The following IGF2BP3 variants were observed in gnomAD, a reference collection of about 807,000 sequenced individuals.
IGF2BP3 encodes insulin like growth factor 2 mRNA binding protein 3, also known as insulin-like growth factor 2 mRNA-binding protein 3.
IGF2BP3 carries 9 observed loss-of-function variants against 73.8 expected under a neutral mutation model. That is an observed-to-expected ratio of 0.12 (90% CI 0.07 to 0.21). The LOEUF (loss-of-function observed/expected upper bound fraction) is 0.21. Among genes scored for constraint, IGF2BP3 ranks in the 10% least tolerant of loss-of-function variants. The probability of loss-of-function intolerance (pLI) is 1.00; values close to 1 mark genes in which losing one functional copy is unlikely to be tolerated. For missense variants in IGF2BP3, 542 were observed against 714.0 expected (o/e 0.76, Z 2.75); for synonymous variants, 258 against 256.7 (o/e 1.01, Z -0.05).
intron 3 of IGF2BP3, among the ~76,000 whole-genome samples, chr7:23,383,214 T>C (rs554255128): frequency 3.9e-5 from 6 of 152,300 alleles, no homozygotes; most frequent in Admixed American, 1.3e-4. Flanking sequence ...TCAGGACACG[T>C]AGGCTGATGG....
chr7:23,463,869 C>A (rs1406616775), intron 2 of IGF2BP3, among the ~76,000 whole-genome samples: 1 of 152,146 alleles, frequency 6.6e-6, no homozygotes, highest in East Asian at 1.9e-4. Context: ...TAGCTACAAC[C>A]ACTTAGGCAA....
At chr7:23,368,613 C>T (rs981948763) in intron 3 of IGF2BP3, among the ~76,000 whole-genome samples, 2 of 152,002 alleles carry the variant, frequency 1.3e-5, no homozygotes, top group Admixed American at 6.6e-5. Flanking sequence ...TATTAACATA[C>T]TAGGCCGGGC....
chr7:23,361,510 G>C (rs1364547415), intron 5 of IGF2BP3, 24 bp downstream of exon 5: 38 of 1,586,934 alleles, frequency 2.4e-5, no homozygotes, highest in Non-Finnish European at 3.3e-5. Context: ...ATTATATATA[G>C]ATTAAAAGCT....
intron 2 of IGF2BP3, among the ~76,000 whole-genome samples, chr7:23,429,260 A>G (rs773939097): frequency 9.9e-5 from 15 of 152,212 alleles, no homozygotes; most frequent in Non-Finnish European, 1.9e-4. Context: ...TTATATTTGC[A>G]TATTTTCTTC....
intron 12 of IGF2BP3, among the ~76,000 whole-genome samples, chr7:23,314,078 G>A (rs1054136421): frequency 2.0e-5 from 3 of 152,130 alleles, no homozygotes; most frequent in African/African-American, 7.2e-5. Flanking sequence ...GGAGTGCAAT[G>A]GTACAATCAT....
At chr7:23,323,960 AG>A (rs1784225796) in intron 10 of IGF2BP3, among the ~76,000 whole-genome samples, 1 of 152,136 alleles carries the variant, frequency 6.6e-6, no homozygotes, top group South Asian at 2.1e-4. Flanking sequence ...TGCCCACAAG[AG>A]AAAGCAGGAA....
intron 3 of IGF2BP3, among the ~76,000 whole-genome samples, chr7:23,399,578 T>A (rs1786594454): frequency 6.6e-6 from 1 of 152,116 alleles, no homozygotes; most frequent in Non-Finnish European, 1.5e-5. Flanking sequence ...ACTCCTGGCT[T>A]CTAGAACAAA....
chr7:23,378,569 GTTTTTTTTTTTTT>G (rs1156868701), intron 3 of IGF2BP3, among the ~76,000 whole-genome samples: 256 of 65,890 alleles, frequency 3.9e-3, no homozygotes, highest in African/African-American at 0.017. Context: ...ATTTTTGCTT[GTTTTTTTTTTTTT>G]TTTTTTTTTT....
chr7:23,454,542 G>A (rs1788272065), intron 2 of IGF2BP3, among the ~76,000 whole-genome samples: 1 of 152,110 alleles, frequency 6.6e-6, no homozygotes, highest in Non-Finnish European at 1.5e-5. Flanking sequence ...AATCCAAGAA[G>A]TCCTTTACAG....
intron 12 of IGF2BP3, among the ~76,000 whole-genome samples, chr7:23,316,342 C>T (rs965304540): frequency 1.3e-5 from 2 of 151,982 alleles, no homozygotes; most frequent in African/African-American, 4.8e-5. Context: ...GGGGAGAGAA[C>T]TGTATGCACT....
rs1293203990 is a variant in IGF2BP3, at chr7:23,326,400, T to TA, written c.1204-7147dup. ...TCACACCAGCTAGAATGGCAATCAT[T>TA]AAAAAGTCAGGAAACAACAGGTGCT... is the stretch of plus-strand genomic sequence containing the variant. On this transcript the variant is annotated intron_variant, in intron 10 of 14. Coordinates refer to ENST00000258729, the MANE Select transcript of IGF2BP3 (RefSeq NM_006547.3). Among the ~76,000 whole-genome samples, 3 of 151,886 alleles carry TA rather than the reference T, an allele frequency of 2.0e-5. No individual in the cohort carries two copies. The East Asian group carries it at 5.8e-4, about 29-fold the overall frequency.
At chr7:23,388,606 T>C (rs1221823013) in intron 3 of IGF2BP3, among the ~76,000 whole-genome samples, 1 of 132,818 alleles carries the variant, frequency 7.5e-6, no homozygotes, top group Non-Finnish European at 1.6e-5. Context: ...GTCTTCTCCA[T>C]CTTTTTTTTT....
chr7:23,368,583 T>A (rs1481774909), intron 3 of IGF2BP3, among the ~76,000 whole-genome samples: 1 of 152,118 alleles, frequency 6.6e-6, no homozygotes, highest in East Asian at 1.9e-4. Flanking sequence ...CCTAAAAATG[T>A]GGTGATGGTT....
intron 3 of IGF2BP3, among the ~76,000 whole-genome samples, chr7:23,371,269 A>C (rs1049057902): frequency 1.1e-4 from 16 of 152,092 alleles, no homozygotes; most frequent in African/African-American, 3.9e-4. Flanking sequence ...CAAGAGAGGC[A>C]AAAAGTCTCC....
At chr7:23,437,166 G>A (rs898170154) in intron 2 of IGF2BP3, among the ~76,000 whole-genome samples, 5 of 151,902 alleles carry the variant, frequency 3.3e-5, no homozygotes, top group Middle Eastern at 3.4e-3. Flanking sequence ...TTTAAACTTT[G>A]TTCTATAACT....
At chr7:23,409,353 T>C (rs1393077776) in intron 3 of IGF2BP3, among the ~76,000 whole-genome samples, 2 of 152,220 alleles carry the variant, frequency 1.3e-5, no homozygotes, top group Admixed American at 1.3e-4. Flanking sequence ...TGTTAACTTA[T>C]TGCAATCCCA....
intron 2 of IGF2BP3, among the ~76,000 whole-genome samples, chr7:23,450,903 T>A (rs1014487448): frequency 4.6e-5 from 7 of 152,248 alleles, no homozygotes; most frequent in African/African-American, 1.4e-4. Flanking sequence ...AATTTTTTTT[T>A]AACTACCACT....
chr7:23,336,501 CTTT>C (rs1784576604), intron 10 of IGF2BP3, among the ~76,000 whole-genome samples: 1 of 150,230 alleles, frequency 6.7e-6, no homozygotes, highest in Non-Finnish European at 1.5e-5. Context: ...ACAGTATGTT[CTTT>C]TTTTCTCTTC....
intron 5 of IGF2BP3, among the ~76,000 whole-genome samples, chr7:23,355,820 C>G (rs970635608): frequency 1.3e-5 from 2 of 151,840 alleles, no homozygotes; most frequent in African/African-American, 4.8e-5. Context: ...ATAATTCCAG[C>G]TACTTGGAAG....
Sources: gnomAD v4.1 joint callset for allele counts (sites outside exome capture counted in the v4.1 genomes callset) on GRCh38, gnomAD v4.1.1 for gene constraint, MANE v1.5 for transcripts, NCBI Gene and HGNC (gene_info 2026-07-23, HGNC 2026-07-21) for gene names.